The following PDZD2 variants were observed in gnomAD, a reference collection of about 807,000 sequenced individuals.
PDZD2 encodes PDZ domain-containing protein 2.
In PDZD2, 90 loss-of-function variants were observed where a neutral mutation model predicts 220.7. The ratio of observed to expected loss-of-function variants is 0.41; its 90% CI spans 0.34 to 0.49. PDZD2 has a LOEUF of 0.49. Ranked by LOEUF, PDZD2 falls within the 20% of genes least tolerant of loss-of-function variation. The pLI, the probability that PDZD2 is intolerant of heterozygous loss-of-function variation, is 0.28. For missense variants in PDZD2, 3,174 were observed against 3,608.5 expected (o/e 0.88, Z 3.08); for synonymous variants, 1,375 against 1,450.5 (o/e 0.95, Z 1.18).
In PDZD2 at chr5:31,799,646, G is replaced by A. The variant is rs1297918173; in HGVS notation, c.398G>A (p.Ser133Asn). The change falls in exon 2 of 25, where the codon AGT becomes AAT. Residue 133 changes from serine to asparagine, a missense_variant. Physicochemically the swap from Ser to Asn is conservative, Grantham distance 46. Coordinates refer to ENST00000438447, the MANE Select transcript of PDZD2 (RefSeq NM_178140.4). ...AGGAAGAACAGCCCAGCAGGGAAGAGTGGGAAGGTCCGACTGCGGGATGAG... is the reference window on the plus strand; with the variant it reads ...AGGAAGAACAGCCCAGCAGGGAAGAATGGGAAGGTCCGACTGCGGGATGAG... Reference protein sequence around the residue: ...ELRKNSPAGKSGKVRLRDEIL... With the variant: ...ELRKNSPAGKNGKVRLRDEIL... The A allele has an allele frequency of 1.2e-6, 2 of 1,614,086 alleles. No homozygotes were observed. Among genetic ancestry groups the A allele is most frequent in the African/African-American group, 1.3e-5 (1 of 74,928 alleles).
intron 1 of PDZD2, among the ~76,000 whole-genome samples, chr5:31,654,486 A>G (rs944529118): frequency 6.6e-6 from 1 of 151,844 alleles, no homozygotes; most frequent in African/African-American, 2.4e-5. Flanking sequence ...TTTAAATGTT[A>G]TCCGTAAGCC....
At chr5:31,766,729 A>G (rs1377858279) in intron 1 of PDZD2, among the ~76,000 whole-genome samples, 1 of 130,958 alleles carries the variant, frequency 7.6e-6, no homozygotes, top group Admixed American at 7.9e-5. Flanking sequence ...AACCTTAAGC[A>G]GAATTTTTTT....
At chr5:32,004,162 A>T (rs1216866982) in intron 5 of PDZD2, among the ~76,000 whole-genome samples, 2 of 152,158 alleles carry the variant, frequency 1.3e-5, no homozygotes, top group East Asian at 1.9e-4. Flanking sequence ...AACTTGGAAA[A>T]CTGGTTCCTC....
At chr5:31,649,438 C>A (rs917875273) in intron 1 of PDZD2, among the ~76,000 whole-genome samples, 1 of 151,724 alleles carries the variant, frequency 6.6e-6, no homozygotes, top group Non-Finnish European at 1.5e-5. Context: ...AACATATGAT[C>A]TAACAGGAAA....
At chr5:31,728,753 C>T (rs1386363225) in intron 1 of PDZD2, among the ~76,000 whole-genome samples, 1 of 152,128 alleles carries the variant, frequency 6.6e-6, no homozygotes, top group Non-Finnish European at 1.5e-5. Context: ...ACAAAGTTGG[C>T]GTCCTATTCA....
At chr5:31,881,968 C>A (rs929923159) in intron 2 of PDZD2, among the ~76,000 whole-genome samples, 3 of 152,174 alleles carry the variant, frequency 2.0e-5, no homozygotes, top group Admixed American at 2.0e-4. Flanking sequence ...ATCCACCCAC[C>A]TCGGTCTCCC....
rs376321429 is a variant in PDZD2 at position 31,793,739 on chromosome 5, G to A, written c.-360-5150G>A. Among the ~76,000 whole-genome samples the A allele has an allele frequency of 6.2e-4, 95 of 152,296 alleles. 1 individual carries two copies. The East Asian group carries it at 0.01, about 16-fold the overall frequency. On this transcript the variant is annotated intron_variant, in intron 1 of 24. Coordinates refer to ENST00000438447, the MANE Select transcript of PDZD2 (RefSeq NM_178140.4). ...TGAGAATCGCTTGAAACCGGGAGGC[G>A]GAGGTTGCAGTGAGCCCAGATCGCG...
chr5:31,817,612 A>G (rs1755549288), intron 2 of PDZD2, among the ~76,000 whole-genome samples: 1 of 152,228 alleles, frequency 6.6e-6, no homozygotes, highest in African/African-American at 2.4e-5. Context: ...TTAACTACAT[A>G]GCTTTTAAAA....
At position 32,074,627 on chromosome 5, in the gene PDZD2, G is replaced by A. The variant is rs756527286; in HGVS notation, c.3521G>A (p.Gly1174Asp). The part of the protein sequence containing the change: ...VKVTVAGFQP[G>D]GAVEKESLGK... ...GTGACTGTCGCTGGCTTTCAGCCAGGTGGAGCTGTGGAGAAGGTAACTGAC... is the reference window on the plus strand; with the variant it reads ...GTGACTGTCGCTGGCTTTCAGCCAGATGGAGCTGTGGAGAAGGTAACTGAC... Residue 1174 changes from glycine to aspartate, a missense_variant, in exon 18 of 25, where the codon GGT (glycine) becomes GAT (aspartate). By Grantham distance (94) the Gly-to-Asp change is moderately conservative. Transcript: ENST00000438447. The A allele has an allele frequency of 1.2e-6, 2 of 1,604,008 alleles. No individual in the cohort carries two copies. Among genetic ancestry groups the A allele is most frequent in the East Asian group, 4.5e-5 (2 of 44,782 alleles).
chr5:31,913,299 CCCCT>C (rs1422434930), intron 2 of PDZD2, among the ~76,000 whole-genome samples: 4 of 151,604 alleles, frequency 2.6e-5, no homozygotes, highest in African/African-American at 9.7e-5. Flanking sequence ...TGAGATCATG[CCCCT>C]GCACTCCAGC....
At chr5:31,763,731 A>T (rs1196466443) in intron 1 of PDZD2, among the ~76,000 whole-genome samples, 5 of 151,910 alleles carry the variant, frequency 3.3e-5, no homozygotes, top group Non-Finnish European at 7.4e-5. Context: ...AGGCTCCTAT[A>T]CCTCAGGTGA....
At chr5:32,102,500 T>C (rs552057736) in intron 24 of PDZD2, among the ~76,000 whole-genome samples, 1 of 151,716 alleles carries the variant, frequency 6.6e-6, no homozygotes, top group African/African-American at 2.4e-5. Context: ...GTCAGGTCTC[T>C]GTTATGTGTG....
intron 1 of PDZD2, among the ~76,000 whole-genome samples, chr5:31,767,213 G>A (rs755066622): frequency 4.0e-5 from 6 of 151,700 alleles, no homozygotes; most frequent in South Asian, 2.1e-4. Flanking sequence ...TGTATTTTTC[G>A]TAGAGACGGG....
intron 1 of PDZD2, among the ~76,000 whole-genome samples, chr5:31,766,145 A>G (rs1350952382): frequency 6.6e-6 from 1 of 152,152 alleles, no homozygotes; most frequent in African/African-American, 2.4e-5. Flanking sequence ...AGGGTATTGC[A>G]CTCCAGCCTA....
At chr5:31,776,443 G>A (rs746479743) in intron 1 of PDZD2, among the ~76,000 whole-genome samples, 2 of 144,252 alleles carry the variant, frequency 1.4e-5, no homozygotes, top group African/African-American at 5.2e-5. Flanking sequence ...CATACATTGT[G>A]TTTTTATTTT....
intron 2 of PDZD2, among the ~76,000 whole-genome samples, chr5:31,922,158 C>T (rs755020854): frequency 2.0e-5 from 3 of 152,114 alleles, no homozygotes; most frequent in Non-Finnish European, 2.9e-5. Context: ...AAGAAATTTC[C>T]ATATATGACC....
At chr5:32,027,088 G>A (rs1364235003) in intron 6 of PDZD2, among the ~76,000 whole-genome samples, 1 of 152,062 alleles carries the variant, frequency 6.6e-6, no homozygotes, top group African/African-American at 2.4e-5. Context: ...ACTTTTAGTA[G>A]AGACGGGGTT....
At chr5:32,052,409 G>A (rs1426247150) in intron 8 of PDZD2, 5 of 478,802 alleles carry the variant, frequency 1.0e-5, no homozygotes, top group South Asian at 2.3e-5. Flanking sequence ...GCCTCCCAAA[G>A]TGCTGGGATT....
At position 31,639,559 on chromosome 5, in the gene PDZD2, G is replaced by C. The variant is rs1418380941; in HGVS notation, c.-361+122G>C. ...AGTTTAGCTACAAATCCGGGTGCGG[G>C]AATCCCAGCCCTGGCAGGGCGGGGA... is the stretch of plus-strand genomic sequence containing the variant. On this transcript the variant is annotated intron_variant, in intron 1 of 24. Transcript: ENST00000438447. The surrounding 1 kb of genome is among the most constrained non-coding windows in gnomAD (Gnocchi z 4.1). The C allele has an allele frequency of 6.6e-6, 1 of 152,150 alleles. No individual in the cohort carries two copies. Among genetic ancestry groups the C allele is most frequent in the African/African-American group, 2.4e-5 (1 of 41,448 alleles). The allele number at this position is 152,150 out of a possible 1,614,324, so 9.4% of individuals were successfully genotyped here.
Sources: gnomAD v4.1 joint callset for allele counts (sites outside exome capture counted in the v4.1 genomes callset) on GRCh38, gnomAD v4.1.1 for gene constraint, Gnocchi (gnomAD v3.1) non-coding constraint, MANE v1.5 for transcripts, NCBI Gene and HGNC (gene_info 2026-07-23, HGNC 2026-07-21) for gene names.